DCBLD1: variants seen among roughly 807,000 people sequenced by gnomAD.
DCBLD1 encodes discoidin, CUB and LCCL domain-containing protein 1.
A neutral mutation model predicts 71.5 loss-of-function variants in DCBLD1; 57 were observed. That is an observed-to-expected ratio of 0.80 (90% CI 0.64 to 0.99). DCBLD1 has a LOEUF of 0.99. Ranked by LOEUF, DCBLD1 falls within the 50% of genes least tolerant of loss-of-function variation. The pLI is 0.00. For missense variants in DCBLD1, 891 were observed against 923.5 expected, an observed-to-expected ratio of 0.96 and a Z score of 0.46; for synonymous variants, 380 against 363.8, an observed-to-expected ratio of 1.04 and a Z score of -0.51.
chr6:117,503,181 T>G (rs1043524582), intron 1 of DCBLD1, among the ~76,000 whole-genome samples: 5 of 152,216 alleles, frequency 3.3e-5, no homozygotes, highest in Non-Finnish European at 5.9e-5. Context: ...TGACATTTTC[T>G]GATTGTACAT....
downstream of DCBLD1, among the ~76,000 whole-genome samples, chr6:117,550,875 T>C (rs773693310): frequency 6.6e-6 from 1 of 152,182 alleles, no homozygotes; most frequent in Non-Finnish European, 1.5e-5. Context: ...CTGTACTTTC[T>C]TGAGTTGAAA....
At chr6:117,508,715 A>C (rs1040294464) in intron 2 of DCBLD1, among the ~76,000 whole-genome samples, 3 of 152,112 alleles carry the variant, frequency 2.0e-5, no homozygotes, top group Admixed American at 1.3e-4. Flanking sequence ...TGATCTTTCA[A>C]TAAGGTTGGG....
intron 9 of DCBLD1, chr6:117,540,427 A>G (rs1779051206): frequency 8.7e-6 from 4 of 461,602 alleles, no homozygotes; most frequent in Non-Finnish European, 1.6e-5. Flanking sequence ...ACAACAAGGC[A>G]ATTTTAGCTT....
chr6:117,490,031 G>A (rs1171693370), intron 1 of DCBLD1, among the ~76,000 whole-genome samples: 2 of 151,222 alleles, frequency 1.3e-5, no homozygotes, highest in Non-Finnish European at 2.9e-5. Flanking sequence ...TCATAATCAT[G>A]GAAAATGCTA....
intron 4 of DCBLD1, among the ~76,000 whole-genome samples, chr6:117,522,628 A>G (rs1778423305): frequency 6.6e-6 from 1 of 152,028 alleles, no homozygotes; most frequent in Non-Finnish European, 1.5e-5. Context: ...TTTTTTAGAA[A>G]TGGGTGTCTT....
At chr6:117,563,778 A>G (rs1169866651) in intron 14 of DCBLD1, among the ~76,000 whole-genome samples, 2 of 152,088 alleles carry the variant, frequency 1.3e-5, no homozygotes, top group African/African-American at 2.4e-5. Context: ...TTGAGTGAAA[A>G]ACAAAGGAAT....
rs1183620370 is a variant in DCBLD1, at chr6:117,548,220, G to A, written c.1929G>A (p.Ala643=). ...SLSSGGFSPV[A]GVGAQDGDYQ... is the part of the protein sequence containing the mutation. ...CCTCGGGCGGCTTCTCCCCCGTAGCGGGTGTGGGCGCCCAGGACGGAGACT... is the reference window on the plus strand; with the variant it reads ...CCTCGGGCGGCTTCTCCCCCGTAGCAGGTGTGGGCGCCCAGGACGGAGACT... Residue 643 remains alanine (A), a synonymous_variant, in exon 15 of 15, where the codon GCG becomes GCA. Transcript: ENST00000338728. 1.3e-6 allele frequency: 2 copies of A among 1,550,574 alleles called. No individual in the cohort carries two copies. Among genetic ancestry groups the A allele is most frequent in the Non-Finnish European group, 1.7e-6 (2 of 1,146,984 alleles).
At chr6:117,532,809 A>G (rs1262395933) in intron 6 of DCBLD1, among the ~76,000 whole-genome samples, 1 of 152,188 alleles carries the variant, frequency 6.6e-6, no homozygotes, top group Non-Finnish European at 1.5e-5. Context: ...TTGTTTAGTG[A>G]TGAGTTTGGG....
At chr6:117,568,894 A>C (rs1779751251) in intron 14 of DCBLD1, among the ~76,000 whole-genome samples, 1 of 152,260 alleles carries the variant, frequency 6.6e-6, no homozygotes, top group South Asian at 2.1e-4. Flanking sequence ...AATTCTACAG[A>C]GGCATACCAC....
intron 11 of DCBLD1, among the ~76,000 whole-genome samples, chr6:117,541,992 C>G (rs1453701179): frequency 6.6e-6 from 1 of 152,126 alleles, no homozygotes; most frequent in Non-Finnish European, 1.5e-5. Flanking sequence ...CAAATTTTCA[C>G]TCTTAAAAAT....
At chr6:117,564,339 C>G (rs180762492) in intron 14 of DCBLD1, among the ~76,000 whole-genome samples, 1 of 152,252 alleles carries the variant, frequency 6.6e-6, no homozygotes, top group East Asian at 1.9e-4. Flanking sequence ...ATATAAATAT[C>G]TACTGAACTG....
At chr6:117,484,768 T>C (rs961020615) in intron 1 of DCBLD1, among the ~76,000 whole-genome samples, 1 of 152,238 alleles carries the variant, frequency 6.6e-6, no homozygotes, top group Admixed American at 6.5e-5. Context: ...AGGAAACAAA[T>C]GGTATAACTT....
chr6:117,515,650 T>C (rs920422367), intron 2 of DCBLD1, among the ~76,000 whole-genome samples: 3 of 152,242 alleles, frequency 2.0e-5, no homozygotes, highest in African/African-American at 7.2e-5. Context: ...ATTCTACTTA[T>C]TTAGTCTGAA....
At chr6:117,535,437 A>G (rs1778852204) in intron 6 of DCBLD1, among the ~76,000 whole-genome samples, 1 of 152,182 alleles carries the variant, frequency 6.6e-6, no homozygotes, top group South Asian at 2.1e-4. Flanking sequence ...AATGCTTCAG[A>G]ACCCTAACCT....
rs535249042 is a variant in DCBLD1, at chr6:117,528,852, G to C, written c.586-3408G>C. Among the ~76,000 whole-genome samples, 38 of 152,156 alleles carry C rather than the reference G, an allele frequency of 2.5e-4. No homozygotes were observed. In the East Asian group the frequency reaches 7.3e-3, roughly 29 times the overall value. ...TAGGGAAGCTCGTTGTTTTTTGTTT[G>C]TTTTTTGAGACAGAGTCTCGTTCTG... On this transcript the variant is annotated intron_variant, in intron 5 of 14. Coordinates refer to ENST00000338728, the MANE Select transcript of DCBLD1 (RefSeq NM_001366458.2).
chr6:117,536,548 T>C (rs1345449339), intron 6 of DCBLD1, among the ~76,000 whole-genome samples: 2 of 152,220 alleles, frequency 1.3e-5, no homozygotes. Flanking sequence ...CTCACTGACA[T>C]GCTGTGTGTT....
In DCBLD1 at chr6:117,538,660, CAG is replaced by C; in HGVS notation, c.804_805del (p.Arg268SerfsTer10). The C allele has an allele frequency of 6.2e-7, 1 of 1,613,972 alleles. No individual in the cohort carries two copies. The highest frequency in any genetic ancestry group is 8.5e-7 in the Non-Finnish European group (1 of 1,180,010). On this transcript the variant is annotated frameshift_variant, in exon 8 of 15. Transcript: ENST00000338728. LOFTEE classifies it high-confidence loss of function. ...SLSFEPDGQI[R>X]ASSSWQSVNE... ...TGAGTTTTGAACCTGACGGGCAAAT[CAG>C]AGCTTCTTCCTCATGGCAGTCGGTC...
chr6:117,559,874 G>T (rs1779549807), intron 14 of DCBLD1, among the ~76,000 whole-genome samples: 1 of 152,088 alleles, frequency 6.6e-6, no homozygotes, highest in African/African-American at 2.4e-5. Flanking sequence ...CAAATCACTT[G>T]GTGAATTGGG....
intron 1 of DCBLD1, among the ~76,000 whole-genome samples, chr6:117,488,600 C>T (rs546221199): frequency 3.2e-4 from 48 of 152,320 alleles, no homozygotes; most frequent in African/African-American, 1.1e-3. Flanking sequence ...AGCTGTGATG[C>T]TGCCACCGTA....
Sources: gnomAD v4.1 joint callset for allele counts (sites outside exome capture counted in the v4.1 genomes callset) on GRCh38, gnomAD v4.1.1 for gene constraint, MANE v1.5 for transcripts, NCBI Gene and HGNC (gene_info 2026-07-23, HGNC 2026-07-21) for gene names.